The following CACNA1E variants were observed in gnomAD, a reference collection of about 807,000 sequenced individuals.
The protein encoded by CACNA1E is calcium voltage-gated channel subunit alpha1 E, also known as voltage-dependent R-type calcium channel subunit alpha-1E.
A neutral mutation model predicts 259.2 loss-of-function variants in CACNA1E; 40 were observed. That is an observed-to-expected ratio of 0.15 (90% CI 0.12 to 0.20). The LOEUF is 0.20. Ranked by LOEUF, CACNA1E falls within the 10% of genes least tolerant of loss-of-function variation. CACNA1E has a pLI of 1.00. For missense variants in CACNA1E, 1,874 were observed against 3,040.1 expected (o/e 0.62, Z 9.02); for synonymous variants, 1,104 against 1,138.5 (o/e 0.97, Z 0.61).
intron 6 of CACNA1E, among the ~76,000 whole-genome samples, chr1:181,609,247 TGAAATAAGATGAACAG>T (rs1157776804): frequency 6.6e-6 from 1 of 152,144 alleles, no homozygotes; most frequent in African/African-American, 2.4e-5. Flanking sequence ...GGTGTAGGCC[TGAAATAAGATGAACAG>T]GAAATAAAAC....
At chr1:181,512,861 T>C (rs1335778721) in intron 3 of CACNA1E, among the ~76,000 whole-genome samples, 2 of 152,260 alleles carry the variant, frequency 1.3e-5, no homozygotes, top group Non-Finnish European at 2.9e-5. Context: ...TGAATTAGTA[T>C]ATGAAGATAT....
At chr1:181,563,393 C>T (rs1649514936) in intron 3 of CACNA1E, among the ~76,000 whole-genome samples, 1 of 152,148 alleles carries the variant, frequency 6.6e-6, no homozygotes, top group African/African-American at 2.4e-5. Context: ...TAAACTCAAA[C>T]AGATCCTTTA....
chr1:181,406,097 C>A (rs1657444397), intron 1 of CACNA1E, among the ~76,000 whole-genome samples: 1 of 152,166 alleles, frequency 6.6e-6, no homozygotes, highest in South Asian at 2.1e-4. Context: ...TTTGCTTAAC[C>A]CTTCCCCAGG....
chr1:181,725,775 G>A (rs1418479386), intron 17 of CACNA1E, among the ~76,000 whole-genome samples: 2 of 152,240 alleles, frequency 1.3e-5, no homozygotes, highest in Admixed American at 6.5e-5. Flanking sequence ...GAGGGCTAGG[G>A]GTTGGGGTAG....
intron 2 of CACNA1E, among the ~76,000 whole-genome samples, chr1:181,443,988 C>G (rs1660653705): frequency 6.6e-6 from 1 of 152,240 alleles, no homozygotes; most frequent in Non-Finnish European, 1.5e-5. Flanking sequence ...CATTAAACAT[C>G]ATCTAAACAA....
intron 1 of CACNA1E, among the ~76,000 whole-genome samples, chr1:181,319,239 A>C (rs951933622): frequency 1.3e-5 from 2 of 152,248 alleles, no homozygotes; most frequent in African/African-American, 4.8e-5. Context: ...GCTGGGAGTC[A>C]GGATAAGCTT....
intron 18 of CACNA1E, among the ~76,000 whole-genome samples, chr1:181,728,573 C>T (rs368570778): frequency 6.1e-5 from 9 of 148,466 alleles, no homozygotes; most frequent in South Asian, 4.4e-4. Flanking sequence ...CCTGCAAAGA[C>T]GTGTGCACCC....
chr1:181,537,095 C>CTTTT (rs201514362), intron 3 of CACNA1E, among the ~76,000 whole-genome samples: 13 of 112,632 alleles, frequency 1.2e-4, no homozygotes, highest in African/African-American at 2.2e-4. Flanking sequence ...TTTTTCTTTT[C>CTTTT]TTTTTTTTTT....
chr1:181,390,302 CTTATTTAT>C (rs58239460), intron 1 of CACNA1E, among the ~76,000 whole-genome samples: 6 of 137,554 alleles, frequency 4.4e-5, no homozygotes, highest in South Asian at 2.4e-4. Flanking sequence ...GAGGAGACAC[CTTATTTAT>C]TTATTTATTT....
Position 181,756,921 on chromosome 1 carries a change from A to G in CACNA1E, c.4128-4A>G. 1.2e-6 allele frequency: 2 copies of G among 1,607,282 alleles called. No homozygotes were observed. The highest frequency in any genetic ancestry group is 2.2e-5 in the South Asian group (2 of 90,938). ...ATCTGTGCCCTCTTGTTCTGTCCCC[A>G]TAGAGTTCTGCAGCACTCTGTAGAT... On this transcript the variant is annotated splice_polypyrimidine_tract_variant and splice_region_variant and intron_variant, in intron 29 of 47. Transcript: ENST00000367573.
intron 1 of CACNA1E, among the ~76,000 whole-genome samples, chr1:181,404,111 G>A (rs1271136863): frequency 1.3e-5 from 2 of 152,202 alleles, no homozygotes; most frequent in African/African-American, 2.4e-5. Flanking sequence ...AAGGGATGTG[G>A]TTACCTTGAC....
At chr1:181,756,145 T>G in intron 29 of CACNA1E, 52 bp downstream of exon 29, 1 of 1,545,058 alleles carries the variant, frequency 6.5e-7, no homozygotes, top group Non-Finnish European at 8.8e-7. Context: ...GACCCCTGGT[T>G]GCCTTGAGAA....
At chr1:181,657,056 T>TA (rs1277186595) in intron 7 of CACNA1E, among the ~76,000 whole-genome samples, 1 of 152,216 alleles carries the variant, frequency 6.6e-6, no homozygotes, top group Non-Finnish European at 1.5e-5. Context: ...ACTGTATGAA[T>TA]ATATGTATGT....
At position 181,733,517 on chromosome 1, in the gene CACNA1E, A is replaced by T. The variant is rs1470282214; in HGVS notation, c.3029A>T (p.His1010Leu). 1 of 1,609,604 alleles carries T rather than the reference A, an allele frequency of 6.2e-7. No homozygotes were observed. The highest frequency in any genetic ancestry group is 8.5e-7 in the Non-Finnish European group (1 of 1,177,536). The change falls in exon 21 of 48, where the codon CAT (histidine) becomes CTT (leucine). Residue 1010 changes from histidine to leucine, a missense_variant. Physicochemically the swap from His to Leu is moderately conservative, Grantham distance 99. Around this residue, in one of 14 missense-constraint regions of CACNA1E, gnomAD observed 476 missense variants for 514.0 expected, o/e 0.93. Coordinates refer to ENST00000367573, the MANE Select transcript of CACNA1E (RefSeq NM_001205293.3). ...DEADTPLVLP[H>L]PELEVGKHVV... ...GCTGACACCCCCCTAGTCCTGCCCCATCCTGAGCTGGAAGTGGGGAAGCAC... is the reference window on the plus strand; with the variant it reads ...GCTGACACCCCCCTAGTCCTGCCCCTTCCTGAGCTGGAAGTGGGGAAGCAC...
At chr1:181,749,076 A>T (rs888263441) in intron 25 of CACNA1E, among the ~76,000 whole-genome samples, 2 of 152,246 alleles carry the variant, frequency 1.3e-5, no homozygotes. Flanking sequence ...TTTGGCATTT[A>T]TAGTGAAAAT....
At chr1:181,569,997 A>G (rs370059570) in intron 3 of CACNA1E, among the ~76,000 whole-genome samples, 2 of 152,210 alleles carry the variant, frequency 1.3e-5, no homozygotes. Context: ...GAGCTACAGA[A>G]GCATAGCACC....
chr1:181,428,660 G>A (rs1355606657), intron 2 of CACNA1E, among the ~76,000 whole-genome samples: 1 of 152,126 alleles, frequency 6.6e-6, no homozygotes, highest in Non-Finnish European at 1.5e-5. Context: ...TTCTGCTGCA[G>A]GACAGTGACA....
chr1:181,683,454 G>C (rs1650194320), intron 7 of CACNA1E, among the ~76,000 whole-genome samples: 1 of 152,030 alleles, frequency 6.6e-6, no homozygotes. Flanking sequence ...TTTTATTTTA[G>C]GTTCAAGGAG....
chr1:181,339,809 C>T (rs977794773), intron 1 of CACNA1E, among the ~76,000 whole-genome samples: 8 of 152,058 alleles, frequency 5.3e-5, no homozygotes, highest in African/African-American at 1.9e-4. Context: ...ATCCTTTGCA[C>T]AGTTTCCTAT....
Sources: allele counts gnomAD v4.1 joint callset (sites outside exome capture counted in the v4.1 genomes callset), GRCh38; gene constraint gnomAD v4.1.1; regional missense constraint gnomAD v4.1.1; transcripts MANE v1.5; gene names NCBI Gene and HGNC (gene_info 2026-07-23, HGNC 2026-07-21).